The following NKAIN3 variants were observed in gnomAD, a reference collection of about 807,000 sequenced individuals.
The protein encoded by NKAIN3 is sodium/potassium-transporting ATPase subunit beta-1-interacting protein 3.
Under a neutral mutation model 30.2 loss-of-function variants are expected in NKAIN3, and 25 were observed. That is an observed-to-expected ratio of 0.83 (90% CI 0.60 to 1.16). The LOEUF (loss-of-function observed/expected upper bound fraction) is 1.16. Ranked by LOEUF, NKAIN3 falls within the 50% of genes most tolerant of loss-of-function variation. The pLI is 0.00. For missense variants in NKAIN3, 225 were observed against 254.1 expected, an observed-to-expected ratio of 0.89 and a Z score of 0.78; for synonymous variants, 91 against 89.6, an observed-to-expected ratio of 1.02 and a Z score of -0.09.
At chr8:62,299,645 A>G (rs1813972884) in intron 1 of NKAIN3, among the ~76,000 whole-genome samples, 2 of 151,722 alleles carry the variant, frequency 1.3e-5, no homozygotes, top group South Asian at 4.1e-4. Flanking sequence ...TAAATTTAGG[A>G]CTTGATGTTG....
chr8:62,818,914 G>A (rs1278762956), intron 4 of NKAIN3, among the ~76,000 whole-genome samples: 1 of 151,808 alleles, frequency 6.6e-6, no homozygotes, highest in Non-Finnish European at 1.5e-5. Context: ...AGCATGCTGG[G>A]AAGATTGCTA....
At chr8:62,577,904 G>A (rs545984124) in intron 1 of NKAIN3, among the ~76,000 whole-genome samples, 61 of 152,024 alleles carry the variant, frequency 4.0e-4, no homozygotes, top group Non-Finnish European at 7.1e-4. Flanking sequence ...TTCCGCCACC[G>A]CTTGCTGAAG....
intron 1 of NKAIN3, among the ~76,000 whole-genome samples, chr8:62,328,089 T>C (rs535444968): frequency 1.1e-4 from 16 of 152,132 alleles, no homozygotes; most frequent in Non-Finnish European, 2.2e-4. Context: ...TGCCAACTTA[T>C]TCCATTTATA....
intron 1 of NKAIN3, among the ~76,000 whole-genome samples, chr8:62,402,596 A>T (rs1803915580): frequency 6.6e-6 from 1 of 152,100 alleles, no homozygotes; most frequent in Admixed American, 6.5e-5. Flanking sequence ...TTCCCTTTGA[A>T]CTTGGATCTC....
chr8:62,795,199 A>G (rs887693174), intron 4 of NKAIN3, among the ~76,000 whole-genome samples: 7 of 152,090 alleles, frequency 4.6e-5, no homozygotes, highest in African/African-American at 1.7e-4. Flanking sequence ...ACTTTTTCTT[A>G]TCTGCTGCTA....
chr8:62,636,812 T>C (rs978739785), intron 3 of NKAIN3, among the ~76,000 whole-genome samples: 1 of 152,218 alleles, frequency 6.6e-6, no homozygotes, highest in Non-Finnish European at 1.5e-5. Context: ...ATTAATCTTA[T>C]GTTCATACTG....
At chr8:62,824,782 A>T (rs1871571) in intron 4 of NKAIN3, among the ~76,000 whole-genome samples, 1 of 151,892 alleles carries the variant, frequency 6.6e-6, no homozygotes, top group Non-Finnish European at 1.5e-5. Context: ...ATCTACCACT[A>T]TTTAACCCAC....
intron 3 of NKAIN3, among the ~76,000 whole-genome samples, chr8:62,634,605 G>A (rs745320272): frequency 3.3e-5 from 5 of 152,214 alleles, no homozygotes; most frequent in Non-Finnish European, 7.4e-5. Flanking sequence ...TGTCCACAAA[G>A]AGTAGTAGCT....
intron 5 of NKAIN3, among the ~76,000 whole-genome samples, chr8:62,925,730 T>C (rs1822415353): frequency 6.6e-6 from 1 of 152,140 alleles, no homozygotes; most frequent in African/African-American, 2.4e-5. Flanking sequence ...TAGATGATGC[T>C]TTTGGGTGGG....
chr8:62,602,512 C>T (rs1315334471), intron 3 of NKAIN3, among the ~76,000 whole-genome samples: 3 of 152,076 alleles, frequency 2.0e-5, no homozygotes, highest in Non-Finnish European at 4.4e-5. Context: ...CCCAAACCCT[C>T]TTTCTGTTTC....
At chr8:62,787,435 T>G (rs1817557418) in intron 4 of NKAIN3, among the ~76,000 whole-genome samples, 1 of 152,054 alleles carries the variant, frequency 6.6e-6, no homozygotes, top group Non-Finnish European at 1.5e-5. Context: ...CCCCAAAATC[T>G]CCAATAGTTA....
chr8:62,352,746 G>A (rs928170231), intron 1 of NKAIN3, among the ~76,000 whole-genome samples: 1 of 152,158 alleles, frequency 6.6e-6, no homozygotes, highest in African/African-American at 2.4e-5. Context: ...TGTACATCAT[G>A]TTATAATTAC....
chr8:62,861,987 T>C (rs1820255251), intron 4 of NKAIN3, among the ~76,000 whole-genome samples: 1 of 152,248 alleles, frequency 6.6e-6, no homozygotes, highest in Non-Finnish European at 1.5e-5. Flanking sequence ...ATCTTTTTAT[T>C]ATGACCACAT....
At position 62,484,041 on chromosome 8, in the gene NKAIN3, T is replaced by A. The variant is rs1806821378; in HGVS notation, c.55-95498T>A. 2.0e-5 allele frequency among the ~76,000 whole-genome samples: 3 copies of A among 152,188 alleles called. No individual in the cohort carries two copies. In the South Asian group the frequency reaches 6.2e-4, roughly 32 times the overall value. The stretch of plus-strand genomic sequence containing the variant: ...TGACAGAGAAACACATGTTGACATG[T>A]CTTCAGCAGATACACAAGTCGGTAG... On this transcript the variant is annotated intron_variant, in intron 1 of 6. Transcript: ENST00000623646.
intron 4 of NKAIN3, among the ~76,000 whole-genome samples, chr8:62,918,205 C>T (rs1474506333): frequency 1.3e-5 from 2 of 152,138 alleles, no homozygotes; most frequent in Non-Finnish European, 2.9e-5. Context: ...AGTCCCAAAT[C>T]AAAATCTAAG....
At chr8:62,512,778 A>C (rs375450675) in intron 1 of NKAIN3, among the ~76,000 whole-genome samples, 2 of 152,138 alleles carry the variant, frequency 1.3e-5, no homozygotes, top group East Asian at 3.9e-4. Context: ...ATGTGACCAC[A>C]TGTTGAAGCT....
chr8:62,441,247 G>A (rs1805315962), intron 1 of NKAIN3, among the ~76,000 whole-genome samples: 1 of 151,954 alleles, frequency 6.6e-6, no homozygotes, highest in African/African-American at 2.4e-5. Flanking sequence ...ATATAGCTGT[G>A]GGATTTTGTT....
intron 1 of NKAIN3, among the ~76,000 whole-genome samples, chr8:62,254,086 A>G (rs1164486639): frequency 6.6e-6 from 1 of 151,862 alleles, no homozygotes; most frequent in African/African-American, 2.4e-5. Context: ...TATTGAAACC[A>G]TTCTGCGTTG....
intron 4 of NKAIN3, among the ~76,000 whole-genome samples, chr8:62,811,498 G>C (rs1211784821): frequency 6.6e-6 from 1 of 151,930 alleles, no homozygotes; most frequent in East Asian, 1.9e-4. Context: ...CAATATATGG[G>C]TGATCTAGTT....
Sources: allele counts gnomAD v4.1 joint callset (sites outside exome capture counted in the v4.1 genomes callset), GRCh38; gene constraint gnomAD v4.1.1; transcripts MANE v1.5; gene names NCBI Gene and HGNC (gene_info 2026-07-23, HGNC 2026-07-21).